PLCG1: variants seen among roughly 807,000 people sequenced by gnomAD.
PLCG1 encodes the protein 1-phosphatidylinositol 4,5-bisphosphate phosphodiesterase gamma-1.
Under a neutral mutation model 177.8 loss-of-function variants are expected in PLCG1, and 71 were observed. That is an observed-to-expected ratio of 0.40 (90% CI 0.33 to 0.49). The LOEUF is 0.49. Among genes scored for constraint, PLCG1 ranks in the 20% least tolerant of loss-of-function variants. The pLI, the probability that PLCG1 is intolerant of heterozygous loss-of-function variation, is 0.72. For synonymous variants in PLCG1, 658 were observed against 647.9 expected, an observed-to-expected ratio of 1.02 and a Z score of -0.24; for missense variants, 1,281 against 1,709.0, an observed-to-expected ratio of 0.75 and a Z score of 4.42.
chr20:41,151,476 T>A lies in PLCG1; in HGVS notation c.218-8130T>A, dbSNP rs1331520909. ...CCCCACCATCGCCTTCCCTTTGCCA[T>A]ATAACCCTGTGACCTCAGAAGTCCC... On this transcript the variant is annotated intron_variant, in intron 1 of 31. Coordinates refer to ENST00000685551, the MANE Select transcript of PLCG1 (RefSeq NM_002660.3). This position sits in a 1 kb window ranked among gnomAD's most constrained non-coding sequence, Gnocchi z 5.5. 8.5e-5 allele frequency among the ~76,000 whole-genome samples: 13 copies of A among 152,216 alleles called. No homozygotes were observed. The highest frequency in any genetic ancestry group is 6.5e-4 in the Admixed American group (10 of 15,276).
Position 41,165,383 on chromosome 20 carries a change from G to C in PLCG1, c.1509+16G>C. 1 of 1,614,194 alleles carries C rather than the reference G, an allele frequency of 6.2e-7. No homozygotes were observed. The highest frequency in any genetic ancestry group is 1.6e-4 in the Middle Eastern group (1 of 6,062). ...TGTGAACCACGTGAGGACTGGGCCA[G>C]GCTGGGGGTGGTAGGCCAGTGGGTG... On this transcript the variant is annotated intron_variant, in intron 14 of 31. Transcript: ENST00000685551. This position sits in a 1 kb window ranked among gnomAD's most constrained non-coding sequence, Gnocchi z 6.6.
chr20:41,138,564 A>G (rs912754259), intron 1 of PLCG1, among the ~76,000 whole-genome samples: 2 of 150,796 alleles, frequency 1.3e-5, no homozygotes, highest in Non-Finnish European at 3.0e-5. Flanking sequence ...ATGCCAGGGC[A>G]GGGACTCCCC....
At position 41,172,467 on chromosome 20, in the gene PLCG1, G is replaced by A; in HGVS notation, c.2952G>A (p.Pro984=). ...RACYRDMSSF[P]ETKAEKYVNK... ...GCTACCGGGACATGTCATCCTTCCC[G>A]GAAACCAAGGCTGAGAAATACGTGA... The change falls in exon 26 of 32, where the codon CCG becomes CCA. Residue 984 remains proline (P), a synonymous_variant. Coordinates refer to ENST00000685551, the MANE Select transcript of PLCG1 (RefSeq NM_002660.3). This position sits in a 1 kb window ranked among gnomAD's most constrained non-coding sequence, Gnocchi z 7.0. 6.2e-7 allele frequency: 1 copy of A among 1,614,172 alleles called. No homozygotes were observed. The highest frequency in any genetic ancestry group is 8.5e-7 in the Non-Finnish European group (1 of 1,180,024).
rs749941003 is a variant in PLCG1 at position 41,164,164 on chromosome 20, C to T, written c.1180C>T (p.Leu394=). 1 of 1,614,136 alleles carries T rather than the reference C, an allele frequency of 6.2e-7. No homozygotes were observed. Among genetic ancestry groups the T allele is most frequent in the Non-Finnish European group, 8.5e-7 (1 of 1,180,008 alleles). The change falls in exon 12 of 32, where the codon CTG becomes TTG. Residue 394 remains leucine (L), a synonymous_variant. Coordinates refer to ENST00000685551, the MANE Select transcript of PLCG1 (RefSeq NM_002660.3). This position sits in a 1 kb window ranked among gnomAD's most constrained non-coding sequence, Gnocchi z 6.4. ...LTTKIKFSDV[L]HTIKEHAFVA... Reference sequence around the variant, plus strand: ...CACCAAGATCAAGTTCTCAGATGTCCTGCACACCATCAAGGAGCATGCCTT... The same window carrying T: ...CACCAAGATCAAGTTCTCAGATGTCTTGCACACCATCAAGGAGCATGCCTT...
chr20:41,139,220 T>G (rs2034729617), intron 1 of PLCG1, among the ~76,000 whole-genome samples: 2 of 152,170 alleles, frequency 1.3e-5, no homozygotes, highest in African/African-American at 4.8e-5. Context: ...CCTTCCTCAG[T>G]GCCCCCACTG....
chr20:41,143,761 G>GA (rs1302815815), intron 1 of PLCG1, among the ~76,000 whole-genome samples: 1 of 152,180 alleles, frequency 6.6e-6, no homozygotes, highest in Non-Finnish European at 1.5e-5. Context: ...TTCCCTGTCT[G>GA]AAATTGATCT....
Position 41,144,802 on chromosome 20 carries a change from A to G in PLCG1, c.217+6944A>G, listed in dbSNP as rs1366407564. Among the ~76,000 whole-genome samples the G allele has an allele frequency of 5.3e-5, 8 of 152,146 alleles. No homozygotes were observed. On this transcript the variant is annotated intron_variant, in intron 1 of 31. Transcript: ENST00000685551. The surrounding 1 kb of genome is among the most constrained non-coding windows in gnomAD (Gnocchi z 4.1). ...GATTACTCCAGCCTCTGACTTGTTC[A>G]TGGTGGCAGTAGATCTCTAGCGTGG...
In PLCG1 at chr20:41,162,235, G is replaced by GTTTTTTTT. The variant is rs11426520; in HGVS notation, c.513-204_513-197dup. On this transcript the variant is annotated intron_variant, in intron 4 of 31. Coordinates refer to ENST00000685551, the MANE Select transcript of PLCG1 (RefSeq NM_002660.3). ...GGTTTTTTTTGTTTGTTTTGTTTTTGTTTTTTTTTTTTTTTTTTTTGCTCA... is the reference window on the plus strand; with the variant it reads ...GGTTTTTTTTGTTTGTTTTGTTTTTGTTTTTTTTTTTTTTTTTTTTTTTTTTTTGCTCA... The GTTTTTTTT allele has an allele frequency of 2.4e-3, 351 of 143,622 alleles. 2 individuals carry two copies. The highest frequency in any genetic ancestry group is 0.019 in the East Asian group (89 of 4,800). 8.9% of individuals were successfully genotyped at this position (143,622 alleles called of 1,614,324 possible).
In PLCG1 at chr20:41,166,098, CTCCCTCCTTGAGTT is replaced by C. The variant is rs1257318839; in HGVS notation, c.1800-95_1800-82del. On this transcript the variant is annotated intron_variant, in intron 16 of 31. Transcript: ENST00000685551. The surrounding 1 kb of genome is among the most constrained non-coding windows in gnomAD (Gnocchi z 8.6). Reference sequence around the variant, plus strand: ...AGGAGATTGGCCTCCCTCCTTGAGGCTCCCTCCTTGAGTTCCACCCTCATTTGGGGTGGAACTTG... The same window carrying C: ...AGGAGATTGGCCTCCCTCCTTGAGGCCCACCCTCATTTGGGGTGGAACTTG... The C allele has an allele frequency of 9.1e-7, 1 of 1,104,568 alleles. No individual in the cohort carries two copies. Among genetic ancestry groups the C allele is most frequent in the Non-Finnish European group, 1.3e-6 (1 of 764,038 alleles). 68.4% of individuals were successfully genotyped at this position (1,104,568 alleles called of 1,614,324 possible). A position where few individuals can be genotyped will look rare whatever the true frequency, so the allele number is the denominator to read the frequency against.
Position 41,174,670 on chromosome 20 carries a change from G to A in PLCG1, c.*161G>A. On this transcript the variant is annotated 3_prime_UTR_variant, in exon 32 of 32. Transcript: ENST00000685551. This position sits in a 1 kb window ranked among gnomAD's most constrained non-coding sequence, Gnocchi z 5.8. ...GCTAGACAGAAACCAAGCCATTAATGAGATGTTATTACTGTTTTGGGCCTC... is the reference window on the plus strand; with the variant it reads ...GCTAGACAGAAACCAAGCCATTAATAAGATGTTATTACTGTTTTGGGCCTC... 1 of 663,514 alleles carries A rather than the reference G, an allele frequency of 1.5e-6. No individual in the cohort carries two copies. Among genetic ancestry groups the A allele is most frequent in the South Asian group, 1.8e-5 (1 of 54,880 alleles). 41.1% of individuals were successfully genotyped at this position (663,514 alleles called of 1,614,324 possible).
rs750486744 is a variant in PLCG1, at chr20:41,159,598, CT to C, written c.218-6del. The stretch of plus-strand genomic sequence containing the variant: ...AGCTTGATCTTGGCCTCTTTGCTAC[CT>C]TCCTAGTTGACATTCGTGAAATTAA... On this transcript the variant is annotated splice_region_variant and splice_polypyrimidine_tract_variant and intron_variant, in intron 1 of 31. Transcript: ENST00000685551. The surrounding 1 kb of genome is among the most constrained non-coding windows in gnomAD (Gnocchi z 6.0). The C allele has an allele frequency of 6.2e-7, 1 of 1,613,416 alleles. No homozygotes were observed. Among genetic ancestry groups the C allele is most frequent in the South Asian group, 1.1e-5 (1 of 91,000 alleles).
rs759043015 is a variant in PLCG1, at chr20:41,172,266, G to T, written c.2882G>T (p.Arg961Leu). Residue 961 changes from arginine (R) to leucine (L), a missense_variant, in exon 25 of 32, where the codon CGG (arginine) becomes CTG (leucine). By Grantham distance (102) the Arg-to-Leu change is moderately radical (BLOSUM62 -2). Transcript: ENST00000685551. This position sits in a 1 kb window ranked among gnomAD's most constrained non-coding sequence, Gnocchi z 7.0. ...CTCTCTGAACTTGTCGTCTACTGCCGGCCTGTTCCCTTTGATGAAGAGAGT... is the reference window on the plus strand; with the variant it reads ...CTCTCTGAACTTGTCGTCTACTGCCTGCCTGTTCCCTTTGATGAAGAGAGT... ...LELSELVVYC[R>L]PVPFDEEKIG... The T allele has an allele frequency of 6.2e-7, 1 of 1,613,920 alleles. No homozygotes were observed. Among genetic ancestry groups the T allele is most frequent in the Non-Finnish European group, 8.5e-7 (1 of 1,179,800 alleles).
rs758533757 is a variant in PLCG1 at position 41,172,320 on chromosome 20, T to C, written c.2905+31T>C. 2.5e-6 allele frequency: 4 copies of C among 1,590,532 alleles called. No homozygotes were observed. In the East Asian group the frequency reaches 8.9e-5, roughly 36 times the overall value. ...GGCCAGGGCCCAGGCGGGGTGTGCA[T>C]GTGCCTGGAGGGCCTGGTGGGTGCA... is the stretch of plus-strand genomic sequence containing the variant. On this transcript the variant is annotated intron_variant, in intron 25 of 31. Coordinates refer to ENST00000685551, the MANE Select transcript of PLCG1 (RefSeq NM_002660.3). This position sits in a 1 kb window ranked among gnomAD's most constrained non-coding sequence, Gnocchi z 7.0.
Position 41,165,994 on chromosome 20 carries a change from C to G in PLCG1, c.1799+168C>G, listed in dbSNP as rs905905749. The G allele has an allele frequency of 4.4e-6, 3 of 675,298 alleles. No homozygotes were observed. The highest frequency in any genetic ancestry group is 1.9e-5 in the South Asian group (1 of 52,112). The allele number at this position is 675,298 out of a possible 1,614,324, so 41.8% of individuals were successfully genotyped here. A position where few individuals can be genotyped will look rare whatever the true frequency, so the allele number is the denominator to read the frequency against. ...CACACACACACTCTCTGTCTCACCC[C>G]CCCCCCATACCCCTCCCTTTTCGGT... On this transcript the variant is annotated intron_variant, in intron 16 of 31. Transcript: ENST00000685551. The surrounding 1 kb of genome is among the most constrained non-coding windows in gnomAD (Gnocchi z 6.6).
In PLCG1 at chr20:41,174,790, T is replaced by C. The variant is rs2036011987; in HGVS notation, c.*281T>C. 6.4e-6 allele frequency: 3 copies of C among 468,540 alleles called. No homozygotes were observed. Among genetic ancestry groups the C allele is most frequent in the Non-Finnish European group, 1.2e-5 (3 of 256,094 alleles). 29.0% of individuals were successfully genotyped at this position (468,540 alleles called of 1,614,324 possible). ...ACTTCTGGAGATGGATCCTTCCATC[T>C]TGTGGGGCCAGGACCATGGCCGAAG... On this transcript the variant is annotated 3_prime_UTR_variant, in exon 32 of 32. Transcript: ENST00000685551. This position sits in a 1 kb window ranked among gnomAD's most constrained non-coding sequence, Gnocchi z 5.8.
Position 41,153,101 on chromosome 20 carries a change from T to C in PLCG1, c.218-6505T>C, listed in dbSNP as rs1336054378. Among the ~76,000 whole-genome samples, 1 of 152,204 alleles carries C rather than the reference T, an allele frequency of 6.6e-6. No individual in the cohort carries two copies. The highest frequency in any genetic ancestry group is 1.5e-5 in the Non-Finnish European group (1 of 68,032). Reference sequence around the variant, plus strand: ...AAACCCCCAGAAGGGAAGGAACCTGTCCAGGAAATCTTCGCTTACCTCTTT... The same window carrying C: ...AAACCCCCAGAAGGGAAGGAACCTGCCCAGGAAATCTTCGCTTACCTCTTT... On this transcript the variant is annotated intron_variant, in intron 1 of 31. Coordinates refer to ENST00000685551, the MANE Select transcript of PLCG1 (RefSeq NM_002660.3). This position sits in a 1 kb window ranked among gnomAD's most constrained non-coding sequence, Gnocchi z 5.1.
At chr20:41,170,435 A>G (rs753581051) in intron 24 of PLCG1, 166 bp downstream of exon 24, 24 of 647,004 alleles carry the variant, frequency 3.7e-5, no homozygotes, top group Non-Finnish European at 5.6e-5. Flanking sequence ...AAACAGACAC[A>G]TAAGATGCAA....
chr20:41,137,955 G>C lies in PLCG1; in HGVS notation c.217+97G>C, dbSNP rs747847987. ...CCCCGGCCGGCCGCCCCAGCGACTT[G>C]GGCAAACTTTCGGGCCCTCCCAGAC... On this transcript the variant is annotated intron_variant, in intron 1 of 31. Transcript: ENST00000685551. This position sits in a 1 kb window ranked among gnomAD's most constrained non-coding sequence, Gnocchi z 7.3. 9 of 892,336 alleles carry C rather than the reference G, an allele frequency of 1.0e-5. No homozygotes were observed. The highest frequency in any genetic ancestry group is 1.3e-5 in the Non-Finnish European group (9 of 670,266). 55.3% of individuals were successfully genotyped at this position (892,336 alleles called of 1,614,324 possible).
At chr20:41,162,194 C>T (rs1450027311) in intron 4 of PLCG1, among the ~76,000 whole-genome samples, 2 of 151,438 alleles carry the variant, frequency 1.3e-5, no homozygotes, top group Non-Finnish European at 2.9e-5. Flanking sequence ...TTCACATCTT[C>T]CTTGCCAGAA....
Sources: gnomAD v4.1 joint callset for allele counts (sites outside exome capture counted in the v4.1 genomes callset) on GRCh38, gnomAD v4.1.1 for gene constraint, Gnocchi (gnomAD v3.1) non-coding constraint, MANE v1.5 for transcripts, NCBI Gene and HGNC (gene_info 2026-07-23, HGNC 2026-07-21) for gene names.